TTC12: variants seen among roughly 807,000 people sequenced by gnomAD.
TTC12 encodes tetratricopeptide repeat domain 12.
A neutral mutation model predicts 90.1 loss-of-function variants in TTC12; 70 were observed. The ratio of observed to expected loss-of-function variants is 0.78; its 90% CI spans 0.64 to 0.95. The LOEUF is 0.95. TTC12 is among the 40% of genes least tolerant of loss of function. TTC12 has a pLI of 0.00. For missense variants in TTC12, 819 were observed against 846.1 expected (o/e 0.97, Z 0.40); for synonymous variants, 296 against 311.5 (o/e 0.95, Z 0.53).
intron 12 of TTC12, among the ~76,000 whole-genome samples, chr11:113,342,170 C>G (rs943577407): frequency 6.6e-6 from 1 of 152,212 alleles, no homozygotes; most frequent in African/African-American, 2.4e-5. Context: ...TCCTCCTGCT[C>G]TTTGCAGACT....
intron 20 of TTC12, chr11:113,364,523 G>A (rs549530702): frequency 2.2e-4 from 80 of 365,082 alleles, no homozygotes; most frequent in Non-Finnish European, 2.4e-4. Context: ...TCACCCTGGC[G>A]CAGTGAGAGG....
intron 16 of TTC12, among the ~76,000 whole-genome samples, chr11:113,353,465 A>G (rs1555151224): frequency 6.6e-6 from 1 of 152,104 alleles, no homozygotes; most frequent in African/African-American, 2.4e-5. Flanking sequence ...GAAGCTCTTT[A>G]ATTAGATCTC....
At chr11:113,319,267 C>T (rs1184357243) in intron 2 of TTC12, among the ~76,000 whole-genome samples, 2 of 151,990 alleles carry the variant, frequency 1.3e-5, no homozygotes, top group Non-Finnish European at 2.9e-5. Context: ...CATAGAATGT[C>T]AAGGTCATCA....
At chr11:113,335,131 G>C (rs1948291765) in intron 8 of TTC12, 94 bp downstream of exon 8, 1 of 913,774 alleles carries the variant, frequency 1.1e-6, no homozygotes, top group Non-Finnish European at 1.8e-6. Context: ...AAGCTGATTA[G>C]GTATTAATCC....
intron 12 of TTC12, 24 bp from the exon 13 acceptor site, chr11:113,344,248 A>G (rs369672545): frequency 5.1e-5 from 82 of 1,597,100 alleles, no homozygotes; most frequent in Admixed American, 3.9e-4. Context: ...CATGCACAAG[A>G]CACACAACCT....
At chr11:113,359,499 C>A in intron 17 of TTC12, 38 bp downstream of exon 17, 2 of 1,361,250 alleles carry the variant, frequency 1.5e-6, no homozygotes, top group Non-Finnish European at 2.1e-6. Flanking sequence ...AGCCCTGGGA[C>A]AACCTGTACA....
At chr11:113,366,651 C>A (rs1308628387), downstream of TTC12, among the ~76,000 whole-genome samples, 1 of 152,232 alleles carries the variant, frequency 6.6e-6, no homozygotes, top group African/African-American at 2.4e-5. Flanking sequence ...ACCCCTTTTG[C>A]TATTTTCTGC....
intron 7 of TTC12, among the ~76,000 whole-genome samples, chr11:113,332,913 T>C (rs1948144726): frequency 6.6e-6 from 1 of 152,174 alleles, no homozygotes; most frequent in African/African-American, 2.4e-5. Flanking sequence ...CCATATCCCT[T>C]ATCATTGATA....
intron 1 of TTC12, chr11:113,315,055 C>G: frequency 6.6e-6 from 1 of 152,490 alleles, no homozygotes; most frequent in Middle Eastern, 3.4e-3. Context: ...CATGCACCCG[C>G]GCGCCTGCCT....
At chr11:113,322,567 T>A (rs1356899768) in intron 2 of TTC12, among the ~76,000 whole-genome samples, 1 of 152,164 alleles carries the variant, frequency 6.6e-6, no homozygotes, top group Non-Finnish European at 1.5e-5. Flanking sequence ...CTGTTAAAAG[T>A]CATTGGGGGA....
rs112804550 is a variant in TTC12, at chr11:113,330,026, G to C, written c.504+47G>C. 118 of 1,469,806 alleles carry C rather than the reference G, an allele frequency of 8.0e-5. 2 individuals are homozygous for C. In the African/African-American group the frequency reaches 1.1e-3, roughly 13 times the overall value. 91.0% of individuals were successfully genotyped at this position (1,469,806 alleles called of 1,614,324 possible). A position where few individuals can be genotyped will look rare whatever the true frequency, so the allele number is the denominator to read the frequency against. ...CACATGATAGTGTTGGGCTGAAGTA[G>C]ATAGAAGGCAGCTGCCAGTGTATCA... On this transcript the variant is annotated intron_variant, in intron 7 of 21. Transcript: ENST00000529221.
At chr11:113,315,250 C>T (rs1187134108) in intron 1 of TTC12, 2 of 152,102 alleles carry the variant, frequency 1.3e-5, no homozygotes, top group Non-Finnish European at 1.5e-5. Context: ...TGCTTTACAT[C>T]AGTCCCCAGA....
downstream of TTC12, among the ~76,000 whole-genome samples, chr11:113,370,271 A>G (rs1208252949): frequency 6.6e-6 from 1 of 152,256 alleles, no homozygotes; most frequent in Admixed American, 6.5e-5. Flanking sequence ...ATAATCAGGA[A>G]AACCTGTTGA....
chr11:113,344,390 C>T lies in TTC12; in HGVS notation c.1104C>T (p.Ala368=). The T allele has an allele frequency of 1.9e-6, 3 of 1,614,178 alleles. No individual in the cohort carries two copies. The highest frequency in any genetic ancestry group is 2.5e-6 in the Non-Finnish European group (3 of 1,180,032). The change falls in exon 13 of 22, where the codon GCC becomes GCT. Residue 368 remains alanine (A), a synonymous_variant. Transcript: ENST00000529221. The stretch of plus-strand genomic sequence containing the variant: ...GCTTTGCCCTGCTGCTGCATCTCGC[C>T]CAGACTGAGAGCGGACGGAGCCTGA... The part of the protein sequence containing the change: ...QQSFALLLHL[A]QTESGRSLII...
At chr11:113,316,187 C>T in intron 1 of TTC12, 56 bp from the exon 2 acceptor site, 1 of 840,950 alleles carries the variant, frequency 1.2e-6, no homozygotes. Flanking sequence ...ATAAGCCTGA[C>T]CGTTCTGTTT....
exon 22 of TTC12, chr11:113,373,225 T>G (rs2138104574): frequency 1.0e-6 from 1 of 985,438 alleles, no homozygotes; most frequent in East Asian, 1.1e-4. Flanking sequence ...ACCCATGCGA[T>G]TCATCCTTTC....
chr11:113,361,523 G>A (rs189206904), intron 18 of TTC12, among the ~76,000 whole-genome samples: 5 of 152,292 alleles, frequency 3.3e-5, no homozygotes, highest in South Asian at 4.1e-4. Context: ...CAAAACTCCC[G>A]ATACAACAGA....
intron 2 of TTC12, among the ~76,000 whole-genome samples, chr11:113,318,459 G>A (rs1309702751): frequency 1.3e-5 from 2 of 152,128 alleles, no homozygotes; most frequent in South Asian, 2.1e-4. Context: ...CCCTCACATG[G>A]TCATCTCTCT....
Position 113,363,573 on chromosome 11 carries a change from G to A in TTC12, c.1717-255G>A, listed in dbSNP as rs527824288. On this transcript the variant is annotated intron_variant, in intron 19 of 21. Transcript: ENST00000529221. ...CAGCCACTTGCTCATAAAGCCTTCC[G>A]GAGGCAATTACTCAGGTGTACATGA... Among the ~76,000 whole-genome samples, 80 of 152,118 alleles carry A rather than the reference G, an allele frequency of 5.3e-4. 1 individual carries two copies. The highest frequency in any genetic ancestry group is 4.1e-4 in the South Asian group (2 of 4,828).
Sources: gnomAD v4.1 joint callset for allele counts (sites outside exome capture counted in the v4.1 genomes callset) on GRCh38, gnomAD v4.1.1 for gene constraint, MANE v1.5 for transcripts, NCBI Gene and HGNC (gene_info 2026-07-23, HGNC 2026-07-21) for gene names.